Variants in CNTLN observed in about 807,000 individuals in gnomAD.
CNTLN encodes centlein.
Under a neutral mutation model 180.0 loss-of-function variants are expected in CNTLN, and 212 were observed. The ratio of observed to expected loss-of-function variants is 1.18; its 90% CI spans 1.05 to 1.32. The LOEUF (loss-of-function observed/expected upper bound fraction) is 1.32, where lower values mean the gene tolerates loss of function less well. Ranked by LOEUF, CNTLN falls within the 40% of genes most tolerant of loss-of-function variation. The pLI, the probability that CNTLN is intolerant of heterozygous loss-of-function variation, is 0.00. For missense variants in CNTLN, 2,095 were observed against 1,610.9 expected (o/e 1.30, Z -5.14); for synonymous variants, 722 against 563.1 (o/e 1.28, Z -3.99).
rs529421479 is a variant in CNTLN at position 17,185,529 on chromosome 9, T to C, written c.450-40674T>C. On this transcript the variant is annotated intron_variant, in intron 2 of 25. Transcript: ENST00000380647. ...ATTGCTTTTAAATATATGCTAATTCTTTTAGTTTACTTTTTTTTCTTCTAG... is the reference window on the plus strand; with the variant it reads ...ATTGCTTTTAAATATATGCTAATTCCTTTAGTTTACTTTTTTTTCTTCTAG... Among the ~76,000 whole-genome samples the C allele has an allele frequency of 2.6e-5, 4 of 152,336 alleles. No individual in the cohort carries two copies. The East Asian group carries it at 7.7e-4, about 29-fold the overall frequency.
chr9:17,268,734 G>C (rs1827701662), intron 5 of CNTLN, among the ~76,000 whole-genome samples: 1 of 151,996 alleles, frequency 6.6e-6, no homozygotes, highest in African/African-American at 2.4e-5. Context: ...ATCAAGCCTG[G>C]GCAATGGCAG....
intron 2 of CNTLN, among the ~76,000 whole-genome samples, chr9:17,215,701 C>A (rs1823699359): frequency 1.3e-5 from 2 of 152,088 alleles, no homozygotes; most frequent in Admixed American, 6.5e-5. Context: ...GGGCTCCACG[C>A]AGTTCGAGCT....
At chr9:17,335,319 C>G (rs964280695) in intron 10 of CNTLN, among the ~76,000 whole-genome samples, 2 of 152,016 alleles carry the variant, frequency 1.3e-5, no homozygotes, top group Non-Finnish European at 2.9e-5. Context: ...GAGATCGAGA[C>G]CATCATGGTT....
chr9:17,466,967 G>C, intron 23 of CNTLN, 76 bp downstream of exon 23: 1 of 1,011,270 alleles, frequency 9.9e-7, no homozygotes, highest in South Asian at 1.8e-5. Context: ...AGATGATTTG[G>C]GGAATAAAGT....
chr9:17,480,183 C>T (rs1204490076), intron 23 of CNTLN, among the ~76,000 whole-genome samples: 1 of 151,694 alleles, frequency 6.6e-6, no homozygotes, highest in Admixed American at 6.6e-5. Context: ...AGAGCAAGAC[C>T]CCATCTCTAA....
At chr9:17,426,468 A>G (rs1402827743) in intron 18 of CNTLN, among the ~76,000 whole-genome samples, 1 of 152,122 alleles carries the variant, frequency 6.6e-6, no homozygotes, top group Non-Finnish European at 1.5e-5. Context: ...GTCTTCCTAC[A>G]TCTTACATAT....
intron 25 of CNTLN, among the ~76,000 whole-genome samples, chr9:17,502,155 T>C (rs1381406144): frequency 6.6e-6 from 1 of 152,226 alleles, no homozygotes; most frequent in Non-Finnish European, 1.5e-5. Flanking sequence ...GATGGTTCTC[T>C]CTCATTCTTT....
At chr9:17,224,336 T>A (rs1300390104) in intron 2 of CNTLN, among the ~76,000 whole-genome samples, 1 of 151,978 alleles carries the variant, frequency 6.6e-6, no homozygotes, top group African/African-American at 2.4e-5. Flanking sequence ...CTTGAATGAG[T>A]GATGGATTAA....
intron 19 of CNTLN, among the ~76,000 whole-genome samples, chr9:17,458,798 G>T (rs1297782839): frequency 6.6e-6 from 1 of 151,766 alleles, no homozygotes; most frequent in African/African-American, 2.4e-5. Context: ...TATAACTTGG[G>T]TCAGTCACAA....
At chr9:17,405,618 CACTGAGGATTGTGTTTCCAAG>C (rs1827325242) in intron 15 of CNTLN, among the ~76,000 whole-genome samples, 1 of 151,548 alleles carries the variant, frequency 6.6e-6, no homozygotes, top group Non-Finnish European at 1.5e-5. Flanking sequence ...AACACTGTTG[CACTGAGGATTGTGTTTCCAAG>C]ATGTGAACTT....
chr9:17,521,203 C>T, the CNTLN span, among the ~76,000 whole-genome samples: 1 of 147,724 alleles, frequency 6.8e-6, no homozygotes, highest in East Asian at 2.1e-4. Flanking sequence ...TTCAGGGTTC[C>T]CAGAAGACAG....
chr9:17,202,718 A>G (rs1822634376), intron 2 of CNTLN, among the ~76,000 whole-genome samples: 1 of 115,938 alleles, frequency 8.6e-6, no homozygotes. Context: ...CTTTATTTTG[A>G]GCCAATGTGT....
intron 18 of CNTLN, among the ~76,000 whole-genome samples, chr9:17,443,598 A>G (rs1305264635): frequency 6.6e-6 from 1 of 152,192 alleles, no homozygotes; most frequent in African/African-American, 2.4e-5. Context: ...GGATCAGGAG[A>G]GACGTTCATA....
intron 2 of CNTLN, among the ~76,000 whole-genome samples, chr9:17,197,638 C>A (rs1430274693): frequency 1.3e-5 from 2 of 151,972 alleles, no homozygotes; most frequent in Non-Finnish European, 2.9e-5. Context: ...GTTATTAATC[C>A]ATTGTCAGAT....
chr9:17,389,001 G>A (rs10119233), intron 14 of CNTLN, among the ~76,000 whole-genome samples: 124,045 of 151,806 alleles, frequency 0.82, 51,161 homozygotes, highest in Non-Finnish European at 0.87. Context: ...GGCTACATTA[G>A]ATTGATTTTA....
chr9:17,334,311 C>A (rs1461267251), intron 10 of CNTLN, among the ~76,000 whole-genome samples: 2 of 152,050 alleles, frequency 1.3e-5, no homozygotes, highest in Admixed American at 1.3e-4. Flanking sequence ...CCTCCTGCCT[C>A]AGCCTCCCAA....
intron 2 of CNTLN, among the ~76,000 whole-genome samples, chr9:17,183,373 A>G (rs543569395): frequency 6.6e-6 from 1 of 152,298 alleles, no homozygotes; most frequent in South Asian, 2.1e-4. Context: ...GAATAAACCT[A>G]GAAGAAAAGA....
chr9:17,461,970 A>G (rs1293765354), intron 19 of CNTLN, among the ~76,000 whole-genome samples: 1 of 151,826 alleles, frequency 6.6e-6, no homozygotes, highest in African/African-American at 2.4e-5. Context: ...ACCACAGAAC[A>G]AACATGTTTT....
chr9:17,222,069 G>A (rs1342911793), intron 2 of CNTLN, among the ~76,000 whole-genome samples: 1 of 151,752 alleles, frequency 6.6e-6, no homozygotes, highest in Non-Finnish European at 1.5e-5. Context: ...CACTGCCCTG[G>A]ATCATTCCTG....
Sources: allele counts gnomAD v4.1 joint callset (sites outside exome capture counted in the v4.1 genomes callset), GRCh38; gene constraint gnomAD v4.1.1; transcripts MANE v1.5; gene names NCBI Gene and HGNC (gene_info 2026-07-23, HGNC 2026-07-21).